The following PPM1L variants were observed in gnomAD, a reference collection of about 807,000 sequenced individuals.
PPM1L encodes the protein protein phosphatase 1L.
In PPM1L, 13 loss-of-function variants were observed where a neutral mutation model predicts 31.4. The ratio of observed to expected loss-of-function variants is 0.41; its 90% CI spans 0.27 to 0.66. The LOEUF is 0.66. Ranked by LOEUF, PPM1L falls within the 30% of genes least tolerant of loss-of-function variation. The pLI, the probability that PPM1L is intolerant of heterozygous loss-of-function variation, is 0.29. For synonymous variants in PPM1L, 184 were observed against 175.4 expected (o/e 1.05, Z -0.39); for missense variants, 326 against 453.7 (o/e 0.72, Z 2.56).
Position 161,069,389 on chromosome 3 carries a change from G to C in PPM1L, c.*232G>C, listed in dbSNP as rs1719842304. ...CATGTTTTCCCAACTCTTTCATCCA[G>C]TGTCCAAAATATATAAGTAAATAGC... On this transcript the variant is annotated 3_prime_UTR_variant, in exon 4 of 4. Transcript: ENST00000498165. 1.8e-6 allele frequency: 1 copy of C among 542,702 alleles called. No homozygotes were observed. Among genetic ancestry groups the C allele is most frequent in the South Asian group, 2.4e-5 (1 of 42,278 alleles). The allele number at this position is 542,702 out of a possible 1,614,324, so 33.6% of individuals were successfully genotyped here.
chr3:160,983,955 A>T (rs1716883019), intron 2 of PPM1L, among the ~76,000 whole-genome samples: 1 of 152,216 alleles, frequency 6.6e-6, no homozygotes, highest in South Asian at 2.1e-4. Flanking sequence ...TAAGGGCAAC[A>T]AAAGATCACA....
intron 1 of PPM1L, among the ~76,000 whole-genome samples, chr3:160,776,649 G>A (rs979240151): frequency 6.7e-6 from 1 of 149,178 alleles, no homozygotes. Flanking sequence ...AGTCGCCCAG[G>A]TTATAGTGCA....
chr3:160,765,674 T>G (rs1252585077), intron 1 of PPM1L, among the ~76,000 whole-genome samples: 2 of 152,172 alleles, frequency 1.3e-5, no homozygotes, highest in Non-Finnish European at 2.9e-5. Context: ...TCATAGAAAT[T>G]ATAGTGGTAT....
intron 2 of PPM1L, among the ~76,000 whole-genome samples, chr3:161,005,710 G>A (rs1290001325): frequency 6.6e-6 from 1 of 152,092 alleles, no homozygotes; most frequent in African/African-American, 2.4e-5. Flanking sequence ...GACATGTAAA[G>A]CACTTGAAAC....
chr3:161,054,310 T>C (rs1388555484), intron 2 of PPM1L, among the ~76,000 whole-genome samples: 1 of 151,018 alleles, frequency 6.6e-6, no homozygotes, highest in African/African-American at 2.4e-5. Context: ...AGTCTCTCCA[T>C]GAAATAGAAA....
chr3:160,996,302 G>T (rs62280340), intron 2 of PPM1L, among the ~76,000 whole-genome samples: 8,551 of 152,184 alleles, frequency 0.056, 268 homozygotes, highest in African/African-American at 0.063. Context: ...TCTACCCAGA[G>T]GAAAAGAAGT....
intron 1 of PPM1L, among the ~76,000 whole-genome samples, chr3:160,917,779 C>T (rs1714240924): frequency 6.6e-6 from 1 of 152,084 alleles, no homozygotes; most frequent in Non-Finnish European, 1.5e-5. Flanking sequence ...ACATGTATGG[C>T]AAAGCCCAGT....
intron 2 of PPM1L, among the ~76,000 whole-genome samples, chr3:161,002,079 T>C (rs1000055957): frequency 1.1e-4 from 16 of 149,018 alleles, no homozygotes; most frequent in African/African-American, 3.7e-4. Flanking sequence ...TGAGTGAGAA[T>C]ATGCGGTGTT....
At chr3:161,047,487 A>G (rs1203708498) in intron 2 of PPM1L, among the ~76,000 whole-genome samples, 1 of 152,238 alleles carries the variant, frequency 6.6e-6, no homozygotes, top group African/African-American at 2.4e-5. Flanking sequence ...GGAAGAATCA[A>G]TATTGTGAAA....
At chr3:160,758,178 G>A (rs890300736) in intron 1 of PPM1L, among the ~76,000 whole-genome samples, 3 of 151,902 alleles carry the variant, frequency 2.0e-5, no homozygotes, top group Admixed American at 1.3e-4. Flanking sequence ...GTAGTGTCGG[G>A]GTCCCCTCCC....
intron 2 of PPM1L, among the ~76,000 whole-genome samples, chr3:160,978,199 C>G (rs1004721455): frequency 6.6e-6 from 1 of 152,138 alleles, no homozygotes. Flanking sequence ...GCTACCAGTA[C>G]CACTCCCACA....
At chr3:160,945,128 T>TATATAA (rs1715365144) in intron 1 of PPM1L, among the ~76,000 whole-genome samples, 11 of 64,978 alleles carry the variant, frequency 1.7e-4, no homozygotes, top group African/African-American at 4.0e-4. Context: ...TATCTATCTA[T>TATATAA]CTATCTATCT....
chr3:161,065,789 T>C (rs1559942636), intron 3 of PPM1L, among the ~76,000 whole-genome samples: 1 of 152,190 alleles, frequency 6.6e-6, no homozygotes. Context: ...CCATTTCCAG[T>C]TTAAAGGCTA....
chr3:160,913,037 A>G (rs557187661), intron 1 of PPM1L, among the ~76,000 whole-genome samples: 1 of 152,174 alleles, frequency 6.6e-6, no homozygotes. Context: ...ACAGGTTATC[A>G]TGGGATAGAT....
At chr3:160,932,514 TG>T (rs1212306688) in intron 1 of PPM1L, among the ~76,000 whole-genome samples, 1 of 152,182 alleles carries the variant, frequency 6.6e-6, no homozygotes, top group Non-Finnish European at 1.5e-5. Context: ...TCAGAATTGT[TG>T]GGGAAATACA....
chr3:160,905,853 A>T (rs1316701459), intron 1 of PPM1L, among the ~76,000 whole-genome samples: 1 of 152,074 alleles, frequency 6.6e-6, no homozygotes, highest in African/African-American at 2.4e-5. Context: ...CATTTTTTTA[A>T]AAATCACATT....
At chr3:160,813,512 G>A (rs899768107) in intron 1 of PPM1L, among the ~76,000 whole-genome samples, 1 of 151,966 alleles carries the variant, frequency 6.6e-6, no homozygotes, top group Non-Finnish European at 1.5e-5. Context: ...GCTAAGTTTT[G>A]TATTTTTAGT....
rs1200788684 is a variant in PPM1L, at chr3:160,964,662, A to T, written c.574+2752A>T. Among the ~76,000 whole-genome samples the T allele has an allele frequency of 2.0e-5, 3 of 152,142 alleles. No homozygotes were observed. In the South Asian group the frequency reaches 6.2e-4, roughly 32 times the overall value. ...AGGCAGAGGGGAAGTTTTTAAAGTG[A>T]TCTTCAGCAGCTTTGAAAAGTCTAG... is the stretch of plus-strand genomic sequence containing the variant. On this transcript the variant is annotated intron_variant, in intron 2 of 3. Coordinates refer to ENST00000498165, the MANE Select transcript of PPM1L (RefSeq NM_139245.4).
At position 160,780,661 on chromosome 3, in the gene PPM1L, A is replaced by G. The variant is rs1711716858; in HGVS notation, c.399+23954A>G. On this transcript the variant is annotated intron_variant, in intron 1 of 3. Transcript: ENST00000498165. ...TGGAGTTTGATTCCTTTCGAACTCT[A>G]TATTCGTCCTCAGGATGTGGGTGTG... Among the ~76,000 whole-genome samples the G allele has an allele frequency of 2.0e-5, 3 of 152,314 alleles. No homozygotes were observed. In the South Asian group the frequency reaches 6.2e-4, roughly 32 times the overall value.
Sources: gnomAD v4.1 joint callset for allele counts (sites outside exome capture counted in the v4.1 genomes callset) on GRCh38, gnomAD v4.1.1 for gene constraint, MANE v1.5 for transcripts, NCBI Gene and HGNC (gene_info 2026-07-23, HGNC 2026-07-21) for gene names.